Variants in TNRC6A observed in about 807,000 individuals in gnomAD.
TNRC6A encodes the protein trinucleotide repeat containing adaptor 6A.
A neutral mutation model predicts 221.2 loss-of-function variants in TNRC6A; 44 were observed. The ratio of observed to expected loss-of-function variants is 0.20; its 90% CI spans 0.16 to 0.26. TNRC6A has a LOEUF of 0.26. TNRC6A is among the 10% of genes least tolerant of loss of function. The pLI is 1.00. For missense variants in TNRC6A, 2,199 were observed against 2,404.4 expected (o/e 0.91, Z 1.79); for synonymous variants, 847 against 838.5 (o/e 1.01, Z -0.18).
chr16:24,680,452 G>C (rs1323371951), intron 2 of TNRC6A, among the ~76,000 whole-genome samples: 1 of 151,534 alleles, frequency 6.6e-6, no homozygotes, highest in Admixed American at 6.6e-5. Flanking sequence ...CGGTGCGGTG[G>C]CTCACACCTG....
chr16:24,797,830 A>G lies in TNRC6A; in HGVS notation c.3643-85A>G, dbSNP rs540212028. ...ATGATCCACTTGAATTTCACAGATA[A>G]TGAAACACAGTAAAATTCTTCATTT... On this transcript the variant is annotated intron_variant, in intron 10 of 24. Coordinates refer to ENST00000395799, the MANE Select transcript of TNRC6A (RefSeq NM_014494.4). The G allele has an allele frequency of 1.8e-5, 22 of 1,231,714 alleles. 2 individuals carry two copies. In the South Asian group the frequency reaches 3.2e-4, roughly 18 times the overall value. The allele number at this position is 1,231,714 out of a possible 1,614,324, so 76.3% of individuals were successfully genotyped here.
intron 1 of TNRC6A, among the ~76,000 whole-genome samples, chr16:24,636,869 T>C (rs942641367): frequency 1.3e-5 from 2 of 152,194 alleles, no homozygotes; most frequent in Non-Finnish European, 2.9e-5. Context: ...AACTTTTAAT[T>C]GTCATAAGCT....
intron 1 of TNRC6A, among the ~76,000 whole-genome samples, chr16:24,636,252 A>G (rs1901631421): frequency 6.6e-6 from 1 of 152,198 alleles, no homozygotes; most frequent in African/African-American, 2.4e-5. Flanking sequence ...ATGATTTAAC[A>G]TATTAATATA....
intron 18 of TNRC6A, among the ~76,000 whole-genome samples, chr16:24,812,540 C>T (rs2058568248): frequency 6.6e-6 from 1 of 152,154 alleles, no homozygotes; most frequent in Non-Finnish European, 1.5e-5. Flanking sequence ...GTCCATTGAG[C>T]TTATAATACC....
chr16:24,658,356 GTGTT>G (rs975774328), intron 2 of TNRC6A, among the ~76,000 whole-genome samples: 20 of 151,900 alleles, frequency 1.3e-4, no homozygotes, highest in African/African-American at 1.7e-4. Context: ...CTGTTTCTTT[GTGTT>G]TGTTTGTTTG....
intron 4 of TNRC6A, among the ~76,000 whole-genome samples, chr16:24,760,145 T>G (rs775092648): frequency 1.3e-5 from 2 of 152,134 alleles, no homozygotes; most frequent in Non-Finnish European, 2.9e-5. Flanking sequence ...CTTGTTTCTT[T>G]TTTATTCAAT....
intron 4 of TNRC6A, among the ~76,000 whole-genome samples, chr16:24,761,556 T>C (rs2057363845): frequency 6.6e-6 from 1 of 152,120 alleles, no homozygotes; most frequent in Admixed American, 6.5e-5. Context: ...GCATTGACTT[T>C]TTTTTTTCTT....
rs376359568 is a variant in TNRC6A at position 24,699,489 on chromosome 16, G to A, written n.403-51237G>A. Among the ~76,000 whole-genome samples, 13 of 152,262 alleles carry A rather than the reference G, an allele frequency of 8.5e-5. No homozygotes were observed. In the East Asian group the frequency reaches 9.6e-4, roughly 11 times the overall value. ...TGCCAGCAGTTTGAGAGGCCAAGGC[G>A]GGAGAATTGCTTGAGGCCAGGAGTG... On this transcript the variant is annotated intron_variant and non_coding_transcript_variant, in intron 2 of 2. Transcript: ENST00000566108.
At chr16:24,681,793 C>T (rs1199534916) in intron 2 of TNRC6A, among the ~76,000 whole-genome samples, 1 of 152,196 alleles carries the variant, frequency 6.6e-6, no homozygotes, top group Admixed American at 6.6e-5. Flanking sequence ...TACTGATAGA[C>T]AACTGGTTTG....
intron 1 of TNRC6A, among the ~76,000 whole-genome samples, chr16:24,622,697 A>G (rs565399632): frequency 1.9e-4 from 29 of 152,218 alleles, no homozygotes; most frequent in Non-Finnish European, 3.4e-4. Context: ...CCCCAAATTT[A>G]GGACAAACAG....
intron 18 of TNRC6A, among the ~76,000 whole-genome samples, chr16:24,812,424 C>T (rs1474922822): frequency 6.6e-6 from 1 of 152,090 alleles, no homozygotes; most frequent in South Asian, 2.1e-4. Context: ...AAATATGAAT[C>T]CTAGGTTCGA....
chr16:24,695,719 T>C (rs927129528), intron 2 of TNRC6A, among the ~76,000 whole-genome samples: 7 of 151,862 alleles, frequency 4.6e-5, no homozygotes, highest in African/African-American at 1.7e-4. Flanking sequence ...TTTACAGCTG[T>C]GGCCGTGTTT....
At chr16:24,808,452 G>A (rs1278934544) in intron 17 of TNRC6A, among the ~76,000 whole-genome samples, 1 of 152,200 alleles carries the variant, frequency 6.6e-6, no homozygotes, top group Non-Finnish European at 1.5e-5. Flanking sequence ...GTCTGTGGCT[G>A]CTTTCGTGCT....
At chr16:24,778,114 A>G (rs1165419272) in intron 5 of TNRC6A, among the ~76,000 whole-genome samples, 1 of 152,200 alleles carries the variant, frequency 6.6e-6, no homozygotes, top group African/African-American at 2.4e-5. Context: ...TAGAGGCAGT[A>G]TAGCATACTG....
At chr16:24,659,404 G>A (rs2054982387) in intron 2 of TNRC6A, among the ~76,000 whole-genome samples, 1 of 151,968 alleles carries the variant, frequency 6.6e-6, no homozygotes, top group Non-Finnish European at 1.5e-5. Flanking sequence ...CTCTCCTCGT[G>A]CCCTCAAAAA....
At chr16:24,784,194 GT>G (rs1226439147) in intron 5 of TNRC6A, among the ~76,000 whole-genome samples, 3 of 152,172 alleles carry the variant, frequency 2.0e-5, no homozygotes, top group Non-Finnish European at 4.4e-5. Flanking sequence ...TAGAGATGGT[GT>G]TTCACCCTGT....
chr16:24,756,844 T>TTTAAAAAAA, intron 3 of TNRC6A, among the ~76,000 whole-genome samples: 1 of 152,290 alleles, frequency 6.6e-6, no homozygotes, highest in South Asian at 2.1e-4. Context: ...TAGTTTCCAT[T>TTTAAAAAAA]GGAAGTAAAT....
At chr16:24,814,378 T>C (rs2058609130) in intron 18 of TNRC6A, among the ~76,000 whole-genome samples, 2 of 151,180 alleles carry the variant, frequency 1.3e-5, no homozygotes, top group African/African-American at 2.4e-5. Context: ...TTACTCCTTC[T>C]GGTGTCATTT....
intron 1 of TNRC6A, among the ~76,000 whole-genome samples, chr16:24,637,269 G>A (rs979114897): frequency 2.0e-5 from 3 of 152,158 alleles, no homozygotes; most frequent in Non-Finnish European, 4.4e-5. Flanking sequence ...CTGGCCTCAA[G>A]CGATCTGCCC....
Sources: gnomAD v4.1 joint callset for allele counts (sites outside exome capture counted in the v4.1 genomes callset) on GRCh38, gnomAD v4.1.1 for gene constraint, MANE v1.5 for transcripts, NCBI Gene and HGNC (gene_info 2026-07-23, HGNC 2026-07-21) for gene names.